The following MUC3A variants were observed in gnomAD, a reference collection of about 807,000 sequenced individuals.
MUC3A encodes mucin 3A, cell surface associated, also known as mucin-3A.
In MUC3A, 109 loss-of-function variants were observed where a neutral mutation model predicts 109.0. The observed-to-expected ratio is 1.00, with a 90% CI of 0.86 to 1.17. The LOEUF is 1.17. Among genes scored for constraint, MUC3A ranks in the 50% most tolerant of loss-of-function variants. MUC3A has a pLI of 0.00. For synonymous variants in MUC3A, 1,398 were observed against 981.4 expected (o/e 1.42, Z -7.93); for missense variants, 3,537 against 2,469.4 (o/e 1.43, Z -9.16).
chr7:100,958,739 T>A lies in MUC3A; in HGVS notation c.6960T>A (p.Ser2320Arg). 1 of 1,513,534 alleles carries A rather than the reference T, an allele frequency of 6.6e-7. No individual in the cohort carries two copies. Among genetic ancestry groups the A allele is most frequent in the Non-Finnish European group, 8.9e-7 (1 of 1,119,156 alleles). The allele number at this position is 1,513,534 out of a possible 1,614,324, so 93.8% of individuals were successfully genotyped here. A position where few individuals can be genotyped will look rare whatever the true frequency, so the allele number is the denominator to read the frequency against. Residue 2320 changes from serine (S) to arginine (R), a missense_variant, in exon 2 of 12, where the codon AGT (serine) becomes AGA (arginine). Coordinates refer to ENST00000379458, the MANE Select transcript of MUC3A (RefSeq NM_005960.2). ...CCACCACGGAGACCACCTCACACAG[T>A]GCTCACAGCTTCACTTCTTCGATCA... ...SITTTETTSH[S>R]AHSFTSSITT...
In MUC3A at chr7:100,954,243, C is replaced by A. The variant is rs991364632; in HGVS notation, c.2464C>A (p.Gln822Lys). The A allele has an allele frequency of 1.8e-4, 84 of 460,656 alleles. No homozygotes were observed. Among genetic ancestry groups the A allele is most frequent in the African/African-American group, 1.4e-3 (71 of 49,736 alleles). The allele number at this position is 460,656 out of a possible 1,614,324, so 28.5% of individuals were successfully genotyped here. A position where few individuals can be genotyped will look rare whatever the true frequency, so the allele number is the denominator to read the frequency against. ...STVSTGIPTS[Q>K]PTTITPSSVG... is the part of the protein sequence containing the mutation. ...TGTGAGTACAGGTATCCCTACCTCA[C>A]AACCAACAACCATCACTCCCTCATC... is the stretch of plus-strand genomic sequence containing the variant. The change falls in exon 2 of 12, where the codon CAA becomes AAA. Residue 822 changes from glutamine (Q) to lysine (K), a missense_variant. By Grantham distance (53) the Gln-to-Lys change is moderately conservative. Coordinates refer to ENST00000379458, the MANE Select transcript of MUC3A (RefSeq NM_005960.2).
rs746473947 is a variant in MUC3A, at chr7:100,961,489, A to G, written c.9052+552A>G. On this transcript the variant is annotated intron_variant, in intron 3 of 11. Transcript: ENST00000379458. ...TCTCCCACTGTTAAGGACCCTTGTGATAACTTTGCCTCCTCCCCAAATAGT... is the reference window on the plus strand; with the variant it reads ...TCTCCCACTGTTAAGGACCCTTGTGGTAACTTTGCCTCCTCCCCAAATAGT... Among the ~76,000 whole-genome samples the G allele has an allele frequency of 2.1e-5, 3 of 143,400 alleles. No homozygotes were observed. In the East Asian group the frequency reaches 6.3e-4, roughly 30 times the overall value. The allele number at this position is 143,400 out of a possible 152,430, so 94.1% of individuals were successfully genotyped here.
Position 100,960,045 on chromosome 7 carries a change from A to ACC in MUC3A, c.8270_8271dup (p.Phe2758ProfsTer17). 3 of 1,508,828 alleles carry ACC rather than the reference A, an allele frequency of 2.0e-6. No homozygotes were observed. The highest frequency in any genetic ancestry group is 2.6e-6 in the Non-Finnish European group (3 of 1,139,630). 93.5% of individuals were successfully genotyped at this position (1,508,828 alleles called of 1,614,324 possible). On this transcript the variant is annotated frameshift_variant, in exon 2 of 12. Transcript: ENST00000379458. LOFTEE classifies it high-confidence loss of function. ...TCTGACCACAGCTCTCACTGAAATAACCCCCTTTTCTTATATTTCCCTTCC... is the reference window on the plus strand; with the variant it reads ...TCTGACCACAGCTCTCACTGAAATAACCCCCCCTTTTCTTATATTTCCCTTCC...
Position 100,966,731 on chromosome 7 carries a change from G to A in MUC3A, c.9865G>A (p.Asp3289Asn), listed in dbSNP as rs764139483. 25 of 1,598,422 alleles carry A rather than the reference G, an allele frequency of 1.6e-5. No homozygotes were observed. Among genetic ancestry groups the A allele is most frequent in the Non-Finnish European group, 1.9e-5 (23 of 1,179,828 alleles). ...CACTTTTTCAAACTGGGGTTTCGAG[G>A]ACGACGGAACAGGTGAGTCCTGCCT... ...VGTFSNWGFE[D>N]DGTDKDTNFY... is the part of the protein sequence containing the mutation. Residue 3289 changes from aspartate (D) to asparagine (N), a missense_variant, in exon 10 of 12, where the codon GAC becomes AAC. Coordinates refer to ENST00000379458, the MANE Select transcript of MUC3A (RefSeq NM_005960.2).
rs1394668999 is a variant in MUC3A at position 100,959,569 on chromosome 7, C to G, written c.7790C>G (p.Thr2597Ser). The G allele has an allele frequency of 1.3e-6, 2 of 1,594,472 alleles. No individual in the cohort carries two copies. The highest frequency in any genetic ancestry group is 1.7e-6 in the Non-Finnish European group (2 of 1,177,654). Residue 2597 changes from threonine to serine, a missense_variant, in exon 2 of 12, where the codon ACT becomes AGT. Thr to Ser is a moderately conservative substitution (Grantham distance 58). Coordinates refer to ENST00000379458, the MANE Select transcript of MUC3A (RefSeq NM_005960.2). ...GGGACCCAAACATCTCCTGCACCTACTACTGTCACCTTTGGAAGTACGGAT... is the reference window on the plus strand; with the variant it reads ...GGGACCCAAACATCTCCTGCACCTAGTACTGTCACCTTTGGAAGTACGGAT... ...ATGTQTSPAP[T>S]TVTFGSTDSS...
At position 100,960,374 on chromosome 7, in the gene MUC3A, AC is replaced by A; in HGVS notation, c.8596del (p.Leu2866CysfsTer8). ...CAAACACAGTTTTCACAAGTACTCG[AC>A]TGCCCACCAGTGAGACCTGGCTGAG... The part of the protein sequence containing the change: ...PTNTVFTSTR[L>X]PTSETWLSNS... On this transcript the variant is annotated frameshift_variant, in exon 2 of 12. Transcript: ENST00000379458. LOFTEE classifies it high-confidence loss of function. The A allele has an allele frequency of 6.3e-7, 1 of 1,598,546 alleles. No homozygotes were observed.
intron 8 of MUC3A, 139 bp from the exon 9 acceptor site, chr7:100,966,247 C>CGGCCGCTCGTCTAGGGTGGAA: frequency 9.5e-7 from 1 of 1,049,002 alleles, no homozygotes; most frequent in South Asian, 4.6e-5. Flanking sequence ...GGGTGGATTC[C>CGGCCGCTCGTCTAGGGTGGAA]CAGCCCCTTG....
Position 100,960,931 on chromosome 7 carries a change from G to C in MUC3A, c.9046G>C (p.Asp3016His). The change falls in exon 3 of 12, where the codon GAT becomes CAT. Residue 3016 changes from aspartate to histidine, a missense_variant. Physicochemically the swap from Asp to His is moderately conservative, Grantham distance 81 (BLOSUM62 -1). Transcript: ENST00000379458. ...TTGTGAGTTTGCTGTGGAACAGGTG[G>C]ATCTAGGTGAGTTGCCAGAGCTATG... ...SSCEFAVEQV[D>H]LDVVETEVGM... is the part of the protein sequence containing the mutation. 1 of 1,598,538 alleles carries C rather than the reference G, an allele frequency of 6.3e-7. No homozygotes were observed. The highest frequency in any genetic ancestry group is 8.5e-7 in the Non-Finnish European group (1 of 1,179,818).
At chr7:100,966,613 C>A (rs776108764) in intron 9 of MUC3A, 39 bp from the exon 10 acceptor site, 3 of 1,597,874 alleles carry the variant, frequency 1.9e-6, no homozygotes, top group South Asian at 2.2e-5. Context: ...GGGTCCCAGG[C>A]GGGCCGGCTC....
In MUC3A at chr7:100,959,885, G is replaced by C. The variant is rs1199601909; in HGVS notation, c.8106G>C (p.Val2702=). 1.3e-6 allele frequency: 2 copies of C among 1,550,636 alleles called. No individual in the cohort carries two copies. The highest frequency in any genetic ancestry group is 1.7e-4 in the Middle Eastern group (1 of 5,796). The change falls in exon 2 of 12, where the codon GTG becomes GTC. Residue 2702 remains valine (V), a synonymous_variant. Transcript: ENST00000379458. The part of the protein sequence containing the change: ...SSPSSASITP[V]FSTTIHSVPS... ...CATCTTCTGCCAGCATAACTCCAGTGTTTTCCACTACCATTCATTCTGTTC... is the reference window on the plus strand; with the variant it reads ...CATCTTCTGCCAGCATAACTCCAGTCTTTTCCACTACCATTCATTCTGTTC...
Position 100,952,226 on chromosome 7 carries a change from G to A in MUC3A, c.447G>A (p.Thr149=), listed in dbSNP as rs761489348. 1.4e-5 allele frequency: 22 copies of A among 1,598,520 alleles called. No homozygotes were observed. Among genetic ancestry groups the A allele is most frequent in the Middle Eastern group, 1.7e-4 (1 of 6,060 alleles). Residue 149 remains threonine, a synonymous_variant, in exon 2 of 12, where the codon ACG becomes ACA. Transcript: ENST00000379458. Reference sequence around the variant, plus strand: ...CCACCTCCATCTGTGTGACCACGACGCAGGTGGCCTTCACCAGCTCTTACA... The same window carrying A: ...CCACCTCCATCTGTGTGACCACGACACAGGTGGCCTTCACCAGCTCTTACA... ...SHPTSICVTT[T]QVAFTSSYTS... is the part of the protein sequence containing the mutation.
rs947956337 is a variant in MUC3A, at chr7:100,952,841, C to T, written c.1062C>T (p.Ser354=). 1.3e-6 allele frequency: 2 copies of T among 1,534,976 alleles called. No homozygotes were observed. Among genetic ancestry groups the T allele is most frequent in the African/African-American group, 1.4e-5 (1 of 73,122 alleles). ...VTDSTTKIAY[S]TSMTGTLSTE... ...ACTCCACTACCAAAATCGCCTACTC[C>T]ACAAGTATGACAGGTACATTGTCCA... Residue 354 remains serine, a synonymous_variant, in exon 2 of 12, where the codon TCC becomes TCT. Coordinates refer to ENST00000379458, the MANE Select transcript of MUC3A (RefSeq NM_005960.2).
At position 100,957,287 on chromosome 7, in the gene MUC3A, A is replaced by C. The variant is rs1378664480; in HGVS notation, c.5508A>C (p.Thr1836=). 4 of 563,128 alleles carry C rather than the reference A, an allele frequency of 7.1e-6. No homozygotes were observed. Among genetic ancestry groups the C allele is most frequent in the African/African-American group, 5.8e-5 (3 of 51,900 alleles). The allele number at this position is 563,128 out of a possible 1,614,324, so 34.9% of individuals were successfully genotyped here. ...ATTCCGACACCAGTTCTACACCTAC[A>C]TCTGAGACCACCTACCCTACTTCTC... ...FSNSDTSSTP[T]SETTYPTSLT... The change falls in exon 2 of 12, where the codon ACA becomes ACC. Residue 1836 remains threonine, a synonymous_variant. Coordinates refer to ENST00000379458, the MANE Select transcript of MUC3A (RefSeq NM_005960.2).
chr7:100,957,352 A>C lies in MUC3A; in HGVS notation c.5573A>C (p.Tyr1858Ser). 1 of 617,946 alleles carries C rather than the reference A, an allele frequency of 1.6e-6. No individual in the cohort carries two copies. The allele number at this position is 617,946 out of a possible 1,614,324, so 38.3% of individuals were successfully genotyped here. A position where few individuals can be genotyped will look rare whatever the true frequency, so the allele number is the denominator to read the frequency against. ...ALTDSTTRTT[Y>S]STNMTGTLST... ...ACAGATTCCACGACCAGAACCACCT[A>C]TTCCACCAATATGACAGGTACATTG... The change falls in exon 2 of 12, where the codon TAT (tyrosine) becomes TCT (serine). Residue 1858 changes from tyrosine (Y) to serine (S), a missense_variant. Tyr to Ser is a moderately radical substitution (Grantham distance 144). Transcript: ENST00000379458.
At chr7:100,966,220 C>A in intron 8 of MUC3A, 166 bp from the exon 9 acceptor site, 1 of 326,040 alleles carries the variant, frequency 3.1e-6, no homozygotes, top group Non-Finnish European at 3.9e-6. Context: ...AGGGTAGAGC[C>A]CCGGCCCCTC....
Position 100,952,524 on chromosome 7 carries a change from C to T in MUC3A, c.745C>T (p.Leu249Phe), listed in dbSNP as rs753387147. ...TTSPTPVFTT[L>F]KTAVTSTSPI... is the part of the protein sequence containing the mutation. ...GTCCCCAACCCCAGTATTTACTACT[C>T]TCAAAACAGCAGTGACTTCCACTTC... Residue 249 changes from leucine (L) to phenylalanine (F), a missense_variant, in exon 2 of 12, where the codon CTC (leucine) becomes TTC (phenylalanine). Leu to Phe is a conservative substitution (Grantham distance 22, BLOSUM62 0). Transcript: ENST00000379458. The T allele has an allele frequency of 1.2e-5, 19 of 1,598,370 alleles. No homozygotes were observed. Among genetic ancestry groups the T allele is most frequent in the Middle Eastern group, 1.6e-4 (1 of 6,076 alleles).
In MUC3A at chr7:100,967,620, G is replaced by A; in HGVS notation, c.*458G>A. ...ATTTTCTCTCAATTCCCTACTGCCT[G>A]TTTCTTACTTTGAACCTGGAGGCAG... On this transcript the variant is annotated 3_prime_UTR_variant, in exon 12 of 12. Coordinates refer to ENST00000379458, the MANE Select transcript of MUC3A (RefSeq NM_005960.2). 1 of 280,480 alleles carries A rather than the reference G, an allele frequency of 3.6e-6. No individual in the cohort carries two copies. The highest frequency in any genetic ancestry group is 6.0e-5 in the South Asian group (1 of 16,782). 17.4% of individuals were successfully genotyped at this position (280,480 alleles called of 1,614,324 possible). A position where few individuals can be genotyped will look rare whatever the true frequency, so the allele number is the denominator to read the frequency against.
rs1486982366 is a variant in MUC3A, at chr7:100,967,543, C to G, written c.*381C>G. The G allele has an allele frequency of 4.2e-6, 2 of 474,318 alleles. No individual in the cohort carries two copies. Among genetic ancestry groups the G allele is most frequent in the Non-Finnish European group, 3.8e-6 (1 of 265,876 alleles). The allele number at this position is 474,318 out of a possible 1,614,324, so 29.4% of individuals were successfully genotyped here. ...CAGCCCTCGTGTTGCCATTGCCTCT[C>G]TCGGATCCTCCAATCCTCACGTCCT... On this transcript the variant is annotated 3_prime_UTR_variant, in exon 12 of 12. Transcript: ENST00000379458.
Position 100,965,874 on chromosome 7 carries a change from C to G in MUC3A, c.9611+8C>G. On this transcript the variant is annotated splice_region_variant and intron_variant, in intron 8 of 11. Transcript: ENST00000379458. ...GAGCGGTCCCACGTGTCGGTAAGGC[C>G]CCGCTCACCATCGGCATCAGCCGAG... is the stretch of plus-strand genomic sequence containing the variant. The G allele has an allele frequency of 6.3e-7, 1 of 1,589,064 alleles. No individual in the cohort carries two copies. The highest frequency in any genetic ancestry group is 8.5e-7 in the Non-Finnish European group (1 of 1,173,586).
Sources: allele counts gnomAD v4.1 joint callset (sites outside exome capture counted in the v4.1 genomes callset), GRCh38; gene constraint gnomAD v4.1.1; transcripts MANE v1.5; gene names NCBI Gene and HGNC (gene_info 2026-07-23, HGNC 2026-07-21).